Variants in PGS1 observed in about 807,000 individuals in gnomAD.
The protein encoded by PGS1 is CDP-diacylglycerol--glycerol-3-phosphate 3-phosphatidyltransferase, mitochondrial.
In PGS1, 44 loss-of-function variants were observed where a neutral mutation model predicts 58.3. The ratio of observed to expected loss-of-function variants is 0.75; its 90% CI spans 0.59 to 0.97. PGS1 has a LOEUF of 0.97. Ranked by LOEUF, PGS1 falls within the 50% of genes least tolerant of loss-of-function variation. The probability of loss-of-function intolerance (pLI) is 0.00; values close to 1 mark genes in which losing one functional copy is unlikely to be tolerated. For missense variants in PGS1, 684 were observed against 731.1 expected, an observed-to-expected ratio of 0.94 and a Z score of 0.74; for synonymous variants, 330 against 311.0, an observed-to-expected ratio of 1.06 and a Z score of -0.64.
chr17:78,402,970 C>T (rs777541467), intron 6 of PGS1, among the ~76,000 whole-genome samples: 5 of 152,176 alleles, frequency 3.3e-5, no homozygotes, highest in South Asian at 2.1e-4. Context: ...TGAGCCTGCC[C>T]GTTCTTCCTC....
chr17:78,392,787 T>C (rs1305249042), intron 2 of PGS1, 122 bp downstream of exon 2: 3 of 743,954 alleles, frequency 4.0e-6, no homozygotes, highest in Admixed American at 5.7e-5. Context: ...CCTTCTGGGT[T>C]TTACCTGTCA....
chr17:78,387,445 A>G (rs2082483879), intron 1 of PGS1, among the ~76,000 whole-genome samples: 1 of 149,806 alleles, frequency 6.7e-6, no homozygotes, highest in Admixed American at 6.6e-5. Flanking sequence ...GATTACAGGC[A>G]TGTGCCACCA....
rs1204918573 is a variant in PGS1 at position 78,421,725 on chromosome 17, CATT to C, written c.*10+2053_*10+2055del. On this transcript the variant is annotated intron_variant, in intron 9 of 9. Coordinates refer to ENST00000262764, the MANE Select transcript of PGS1 (RefSeq NM_024419.5). ...GATTCTGTGGGACCAGAGTAAATAT[CATT>C]ATGCCACAGCCAGGCTTAAGCAATC... The C allele has an allele frequency of 2.0e-5, 3 of 152,372 alleles. No individual in the cohort carries two copies. The East Asian group carries it at 5.8e-4, about 29-fold the overall frequency. 9.4% of individuals were successfully genotyped at this position (152,372 alleles called of 1,614,324 possible). A position where few individuals can be genotyped will look rare whatever the true frequency, so the allele number is the denominator to read the frequency against.
intron 7 of PGS1, among the ~76,000 whole-genome samples, chr17:78,414,321 C>T (rs1272437135): frequency 3.3e-5 from 5 of 152,206 alleles, no homozygotes; most frequent in Admixed American, 6.5e-5. Flanking sequence ...TGGCTTGGGT[C>T]GCGTGGTTGT....
intron 9 of PGS1, 169 bp from the exon 10 acceptor site, chr17:78,423,892 G>A (rs1357949811): frequency 6.8e-6 from 11 of 1,613,370 alleles, no homozygotes; most frequent in Non-Finnish European, 8.5e-6. Context: ...TGTGGGCTGT[G>A]AGGCAGGAGC....
At chr17:78,399,171 C>T (rs1382679416) in intron 4 of PGS1, 177 bp from the exon 5 acceptor site, 6 of 603,906 alleles carry the variant, frequency 9.9e-6, no homozygotes, top group Non-Finnish European at 1.8e-5. Flanking sequence ...GAGACATGGC[C>T]AGCATGCAGG....
chr17:78,389,482 G>T (rs1490059728), intron 1 of PGS1, among the ~76,000 whole-genome samples: 1 of 151,956 alleles, frequency 6.6e-6, no homozygotes, highest in Non-Finnish European at 1.5e-5. Flanking sequence ...ACCATGCCCG[G>T]CCCAATTTTT....
At chr17:78,380,297 C>T (rs911322664) in intron 1 of PGS1, among the ~76,000 whole-genome samples, 3 of 152,132 alleles carry the variant, frequency 2.0e-5, no homozygotes, top group African/African-American at 7.2e-5. Context: ...GAGATTTGAC[C>T]TCCTGGGGTC....
intron 1 of PGS1, among the ~76,000 whole-genome samples, chr17:78,381,254 C>A (rs747832646): frequency 2.6e-5 from 4 of 152,070 alleles, no homozygotes; most frequent in Non-Finnish European, 5.9e-5. Flanking sequence ...AGTTTGTGTG[C>A]CTTCATCCTT....
At chr17:78,406,699 A>G (rs1471038622) in intron 7 of PGS1, among the ~76,000 whole-genome samples, 1 of 152,258 alleles carries the variant, frequency 6.6e-6, no homozygotes, top group African/African-American at 2.4e-5. Flanking sequence ...TGGGAATAAC[A>G]GCAGTACCCA....
rs760512488 is a variant in PGS1 at position 78,419,694 on chromosome 17, CCT to C, written c.*10+23_*10+24del. 2 of 1,612,106 alleles carry C rather than the reference CCT, an allele frequency of 1.2e-6. No individual in the cohort carries two copies. Among genetic ancestry groups the C allele is most frequent in the African/African-American group, 2.7e-5 (2 of 75,018 alleles). ...CAGACAGGTGCTGTCTCTAGCATCACCTCTCAGCACGATTTTCCCGAGAGTTC... is the reference window on the plus strand; with the variant it reads ...CAGACAGGTGCTGTCTCTAGCATCACCTCAGCACGATTTTCCCGAGAGTTC... On this transcript the variant is annotated intron_variant, in intron 9 of 9. Coordinates refer to ENST00000262764, the MANE Select transcript of PGS1 (RefSeq NM_024419.5).
intron 1 of PGS1, among the ~76,000 whole-genome samples, chr17:78,379,653 G>A (rs1286093178): frequency 2.0e-5 from 3 of 151,788 alleles, no homozygotes; most frequent in Non-Finnish European, 4.4e-5. Flanking sequence ...TGGTGAAACC[G>A]TCTCTACTAA....
At chr17:78,387,642 C>T (rs1408912962) in intron 1 of PGS1, among the ~76,000 whole-genome samples, 1 of 149,506 alleles carries the variant, frequency 6.7e-6, no homozygotes, top group Admixed American at 6.7e-5. Context: ...CTCTGTCGCC[C>T]AGGCTGGAGT....
At chr17:78,418,754 C>CTTGTCCCCCT (rs1009757899) in intron 8 of PGS1, among the ~76,000 whole-genome samples, 157 of 152,272 alleles carry the variant, frequency 1.0e-3, no homozygotes, top group African/African-American at 3.6e-3. Context: ...TAGAGGATGA[C>CTTGTCCCCCT]TTGTCCCCCT....
At chr17:78,379,705 C>A (rs948691337) in intron 1 of PGS1, among the ~76,000 whole-genome samples, 15 of 151,746 alleles carry the variant, frequency 9.9e-5, no homozygotes, top group Non-Finnish European at 2.2e-4. Flanking sequence ...TGGCTGTAAT[C>A]CCAGCTACTT....
At chr17:78,422,695 T>G (rs2085977081) in intron 9 of PGS1, among the ~76,000 whole-genome samples, 1 of 152,078 alleles carries the variant, frequency 6.6e-6, no homozygotes. Context: ...AGAGATGGTT[T>G]TGCCACGTTG....
In PGS1 at chr17:78,414,975, C is replaced by T. The variant is rs1429640887; in HGVS notation, c.1499C>T (p.Ala500Val). 5 of 1,613,694 alleles carry T rather than the reference C, an allele frequency of 3.1e-6. No individual in the cohort carries two copies. The Admixed American group carries it at 6.7e-5, about 22-fold the overall frequency. Residue 500 changes from alanine to valine, a missense_variant, in exon 8 of 10, where the codon GCC (alanine) becomes GTC (valine). By Grantham distance (64) the Ala-to-Val change is moderately conservative. Coordinates refer to ENST00000262764, the MANE Select transcript of PGS1 (RefSeq NM_024419.5). ...GYRSVHRDLE[A>V]QIAIVTENQA... Reference sequence around the variant, plus strand: ...AGGTCAGTTCACCGGGACCTGGAGGCCCAGATTGCGATCGTGACGGAGAAC... The same window carrying T: ...AGGTCAGTTCACCGGGACCTGGAGGTCCAGATTGCGATCGTGACGGAGAAC...
intron 1 of PGS1, among the ~76,000 whole-genome samples, chr17:78,391,533 A>G (rs1405429214): frequency 3.3e-5 from 5 of 152,148 alleles, no homozygotes; most frequent in Non-Finnish European, 7.3e-5. Context: ...GCTGGGGTGC[A>G]GTGGTGCGAT....
In PGS1 at chr17:78,400,649, T is replaced by C. The variant is rs745824402; in HGVS notation, c.702-28T>C. On this transcript the variant is annotated intron_variant, in intron 5 of 9. Transcript: ENST00000262764. This position sits in a 1 kb window ranked among gnomAD's most constrained non-coding sequence, Gnocchi z 4.4. ...CTGCTGCATACCCTTGCCTGAGTCC[T>C]CCTCACCTGCATCTTCCCTCCCTGT... The C allele has an allele frequency of 1.7e-5, 28 of 1,610,516 alleles. No homozygotes were observed. The highest frequency in any genetic ancestry group is 2.3e-5 in the Non-Finnish European group (27 of 1,177,628).
Sources: allele counts gnomAD v4.1 joint callset (sites outside exome capture counted in the v4.1 genomes callset), GRCh38; gene constraint gnomAD v4.1.1; non-coding constraint Gnocchi (gnomAD v3.1); transcripts MANE v1.5; gene names NCBI Gene and HGNC (gene_info 2026-07-23, HGNC 2026-07-21).